SYTL3: variants seen among roughly 807,000 people sequenced by gnomAD.
SYTL3 encodes the protein synaptotagmin-like protein 3.
A neutral mutation model predicts 82.1 loss-of-function variants in SYTL3; 88 were observed. The observed-to-expected ratio is 1.07, with a 90% confidence interval of 0.90 to 1.28. The LOEUF is 1.28. SYTL3 is among the 50% of genes most tolerant of loss of function. SYTL3 has a pLI of 0.00. For missense variants in SYTL3, 831 were observed against 757.6 expected (o/e 1.10, Z -1.14); for synonymous variants, 311 against 289.4 (o/e 1.07, Z -0.76).
chr6:158,756,718 AATTT>A lies in SYTL3; in HGVS notation c.1138-492_1138-489del, dbSNP rs1332553816. Reference sequence around the variant, plus strand: ...AGAGCGAGATCCTGTCTCAAAAAAAAATTTTTTTTTTTTTTTTTTTTTTTTTTTT... The same window carrying A: ...AGAGCGAGATCCTGTCTCAAAAAAAATTTTTTTTTTTTTTTTTTTTTTTTT... On this transcript the variant is annotated intron_variant, in intron 13 of 17. Transcript: ENST00000611299. Among the ~76,000 whole-genome samples the A allele has an allele frequency of 6.5e-3, 308 of 47,392 alleles. 1 individual carries two copies. The highest frequency in any genetic ancestry group is 0.021 in the African/African-American group (288 of 14,034). 31.1% of individuals were successfully genotyped at this position (47,392 alleles called of 152,430 possible).
At chr6:158,734,381 C>G (rs538793953) in intron 11 of SYTL3, among the ~76,000 whole-genome samples, 31 of 152,104 alleles carry the variant, frequency 2.0e-4, no homozygotes, top group Admixed American at 1.1e-3. Flanking sequence ...CAACACATAG[C>G]CAAGTACGTG....
At chr6:158,675,207 T>C (rs1179951798) in intron 5 of SYTL3, among the ~76,000 whole-genome samples, 4 of 152,178 alleles carry the variant, frequency 2.6e-5, no homozygotes, top group African/African-American at 9.7e-5. Context: ...TCACTGGGGC[T>C]GTAATGTGCC....
At chr6:158,690,493 T>C (rs1021232152) in intron 6 of SYTL3, among the ~76,000 whole-genome samples, 2 of 152,222 alleles carry the variant, frequency 1.3e-5, no homozygotes, top group Non-Finnish European at 2.9e-5. Context: ...TTATTGGATA[T>C]GTGCAATTTA....
chr6:158,718,513 C>A (rs1253745631), intron 10 of SYTL3, among the ~76,000 whole-genome samples: 1 of 152,230 alleles, frequency 6.6e-6, no homozygotes, highest in African/African-American at 2.4e-5. Flanking sequence ...TGCGCCAAAG[C>A]CCAAGGGCTT....
At chr6:158,754,279 G>A (rs1415344360) in intron 13 of SYTL3, among the ~76,000 whole-genome samples, 1 of 152,174 alleles carries the variant, frequency 6.6e-6, no homozygotes, top group East Asian at 1.9e-4. Context: ...CTGTCCTGGG[G>A]GCCTGGAGAG....
intron 10 of SYTL3, among the ~76,000 whole-genome samples, chr6:158,724,194 C>G (rs1328582791): frequency 6.6e-6 from 1 of 152,224 alleles, no homozygotes; most frequent in Non-Finnish European, 1.5e-5. Flanking sequence ...ATCTTCTCCT[C>G]TTTCTTCTCT....
At chr6:158,732,270 C>T (rs918020495) in intron 11 of SYTL3, among the ~76,000 whole-genome samples, 43 of 152,320 alleles carry the variant, frequency 2.8e-4, no homozygotes, top group African/African-American at 1.0e-3. Context: ...TTCAACCACT[C>T]CATCAATCAC....
intron 11 of SYTL3, among the ~76,000 whole-genome samples, chr6:158,727,184 A>G (rs1051335129): frequency 1.3e-5 from 2 of 150,138 alleles, no homozygotes; most frequent in African/African-American, 4.9e-5. Flanking sequence ...TTATTTATTT[A>G]TTTTTTGAGA....
intron 13 of SYTL3, among the ~76,000 whole-genome samples, chr6:158,752,685 G>C (rs897802556): frequency 6.6e-6 from 1 of 152,200 alleles, no homozygotes; most frequent in Admixed American, 6.5e-5. Context: ...TGCAGGGTGA[G>C]GGGGGTAGCC....
chr6:158,724,232 C>T (rs917097796), intron 10 of SYTL3, among the ~76,000 whole-genome samples: 3 of 152,166 alleles, frequency 2.0e-5, no homozygotes, highest in Non-Finnish European at 2.9e-5. Flanking sequence ...CTTCCAGCCC[C>T]CAGAATTTAG....
intron 6 of SYTL3, among the ~76,000 whole-genome samples, chr6:158,691,219 C>T (rs139286361): frequency 5.9e-5 from 9 of 152,152 alleles, no homozygotes; most frequent in Middle Eastern, 3.4e-3. Context: ...TGGTGACACA[C>T]GCTTGTAATC....
intron 15 of SYTL3, 124 bp from the exon 16 acceptor site, chr6:158,761,952 G>C: frequency 1.5e-6 from 1 of 662,146 alleles, no homozygotes; most frequent in East Asian, 2.7e-5. Context: ...ACTCCCATCT[G>C]CTCTCTCGGG....
In SYTL3 at chr6:158,757,359, G is replaced by C. The variant is rs141770650; in HGVS notation, c.1286G>C (p.Arg429Pro). 2 of 1,614,018 alleles carry C rather than the reference G, an allele frequency of 1.2e-6. No individual in the cohort carries two copies. Among genetic ancestry groups the C allele is most frequent in the South Asian group, 2.2e-5 (2 of 91,064 alleles). ...DFEDSTTQSFRWHPLRAKAEK... is the reference protein window; with the variant it reads ...DFEDSTTQSFPWHPLRAKAEK... ...GAAGACAGCACAACACAGTCCTTCC[G>C]CTGGCATCCGCTCCGGGCCAAGGTG... Residue 429 changes from arginine to proline, a missense_variant, in exon 14 of 18, where the codon CGC (arginine) becomes CCC (proline). Arg to Pro is a moderately radical substitution (Grantham distance 103). Transcript: ENST00000611299.
chr6:158,681,990 G>T (rs1778746146), intron 5 of SYTL3, among the ~76,000 whole-genome samples: 1 of 152,196 alleles, frequency 6.6e-6, no homozygotes, highest in African/African-American at 2.4e-5. Flanking sequence ...AGGCTGGAGT[G>T]CAATGGTGCA....
chr6:158,677,999 C>T (rs938725951), intron 5 of SYTL3, among the ~76,000 whole-genome samples: 4 of 152,150 alleles, frequency 2.6e-5, no homozygotes, highest in African/African-American at 9.7e-5. Context: ...AAGCAGTCCT[C>T]CCACTTCAGC....
intron 4 of SYTL3, among the ~76,000 whole-genome samples, chr6:158,664,443 TG>T (rs1256400706): frequency 6.6e-6 from 1 of 152,084 alleles, no homozygotes; most frequent in Admixed American, 6.5e-5. Context: ...CTCAGGAGGT[TG>T]AGACAGGAGA....
chr6:158,688,196 T>C (rs906204015), intron 6 of SYTL3, among the ~76,000 whole-genome samples: 1 of 152,238 alleles, frequency 6.6e-6, no homozygotes, highest in Admixed American at 6.5e-5. Context: ...AGTATATCAC[T>C]GTATTTGATT....
chr6:158,657,067 G>T (rs188024931), intron 2 of SYTL3, among the ~76,000 whole-genome samples: 1 of 152,230 alleles, frequency 6.6e-6, no homozygotes, highest in African/African-American at 2.4e-5. Context: ...AGTTATCTCT[G>T]ATCTTCCTGG....
chr6:158,668,445 C>T (rs1361833772), intron 5 of SYTL3, among the ~76,000 whole-genome samples: 1 of 152,102 alleles, frequency 6.6e-6, no homozygotes, highest in Non-Finnish European at 1.5e-5. Context: ...GCCAGGCTGG[C>T]CTCGAATTCC....
Sources: gnomAD v4.1 joint callset for allele counts (sites outside exome capture counted in the v4.1 genomes callset) on GRCh38, gnomAD v4.1.1 for gene constraint, MANE v1.5 for transcripts, NCBI Gene and HGNC (gene_info 2026-07-23, HGNC 2026-07-21) for gene names.